The following PRKACB variants were observed in gnomAD, a reference collection of about 807,000 sequenced individuals.
PRKACB encodes the protein protein kinase cAMP-activated catalytic subunit beta, also known as cAMP-dependent protein kinase catalytic subunit beta.
A neutral mutation model predicts 51.4 loss-of-function variants in PRKACB; 16 were observed. That is an observed-to-expected ratio of 0.31 (90% confidence interval 0.21 to 0.47). The LOEUF (loss-of-function observed/expected upper bound fraction) is 0.47, where lower values mean the gene tolerates loss of function less well. Among genes scored for constraint, PRKACB ranks in the 20% least tolerant of loss-of-function variants. The pLI, the probability that PRKACB is intolerant of heterozygous loss-of-function variation, is 1.00. For missense variants in PRKACB, 309 were observed against 464.5 expected (o/e 0.67, Z 3.08); for synonymous variants, 147 against 154.4 (o/e 0.95, Z 0.35).
chr1:84,161,475 G>T (rs1210501102), intron 1 of PRKACB, among the ~76,000 whole-genome samples: 1 of 151,678 alleles, frequency 6.6e-6, no homozygotes, highest in Non-Finnish European at 1.5e-5. Context: ...CTATTGATAT[G>T]GTTGGATTTG....
At chr1:84,136,330 TAACA>T (rs1652804744) in intron 1 of PRKACB, among the ~76,000 whole-genome samples, 1 of 151,688 alleles carries the variant, frequency 6.6e-6, no homozygotes, top group Admixed American at 6.6e-5. Flanking sequence ...AGTTCTAAGA[TAACA>T]AACAACCCTA....
intron 1 of PRKACB, among the ~76,000 whole-genome samples, chr1:84,163,308 T>C (rs1656489259): frequency 6.6e-6 from 1 of 152,086 alleles, no homozygotes; most frequent in Non-Finnish European, 1.5e-5. Flanking sequence ...CTGGGTGGCC[T>C]GGTGAACTTA....
intron 9 of PRKACB, among the ~76,000 whole-genome samples, chr1:84,223,664 C>T (rs549741468): frequency 8.5e-5 from 13 of 152,100 alleles, no homozygotes; most frequent in South Asian, 8.3e-4. Context: ...CCACCATGCC[C>T]GGCCTGTTTG....
chr1:84,191,443 G>A (rs942209790), intron 5 of PRKACB, among the ~76,000 whole-genome samples: 1 of 152,008 alleles, frequency 6.6e-6, no homozygotes, highest in African/African-American at 2.4e-5. Context: ...ACATTTCTCT[G>A]AAGCTGCCTT....
intron 5 of PRKACB, among the ~76,000 whole-genome samples, chr1:84,186,014 A>G (rs570301213): frequency 9.6e-4 from 146 of 152,216 alleles, no homozygotes; most frequent in Middle Eastern, 6.8e-3. Context: ...AAGAAATTTT[A>G]TGTTTATTTG....
At chr1:84,112,562 A>G (rs970902088) in intron 1 of PRKACB, among the ~76,000 whole-genome samples, 2 of 152,088 alleles carry the variant, frequency 1.3e-5, no homozygotes, top group African/African-American at 4.8e-5. Context: ...GTCTTGCCTC[A>G]TTTGGTTCCT....
At position 84,197,721 on chromosome 1, in the gene PRKACB, T is replaced by C; in HGVS notation, c.688-8T>C. On this transcript the variant is annotated splice_region_variant and splice_polypyrimidine_tract_variant and intron_variant, in intron 6 of 9. Transcript: ENST00000370685. ...CATTTTCACTAGTATTCTTTTTTTCTTTTATAGGTCACAGACTTTGGGTTT... is the reference window on the plus strand; with the variant it reads ...CATTTTCACTAGTATTCTTTTTTTCCTTTATAGGTCACAGACTTTGGGTTT... The C allele has an allele frequency of 6.3e-7, 1 of 1,585,098 alleles. No homozygotes were observed. Among genetic ancestry groups the C allele is most frequent in the Non-Finnish European group, 8.6e-7 (1 of 1,158,560 alleles).
chr1:84,166,238 C>T (rs1169786104), intron 1 of PRKACB, among the ~76,000 whole-genome samples: 2 of 151,576 alleles, frequency 1.3e-5, no homozygotes, highest in Admixed American at 1.3e-4. Context: ...ACGAATATTA[C>T]AAAAACAACT....
chr1:84,201,850 G>GTTA (rs1420181758), intron 7 of PRKACB, among the ~76,000 whole-genome samples: 3 of 151,922 alleles, frequency 2.0e-5, no homozygotes, highest in Admixed American at 2.0e-4. Flanking sequence ...ATATTAGCAT[G>GTTA]TTAATATGAA....
chr1:84,202,629 A>G, intron 7 of PRKACB, 54 bp from the exon 8 acceptor site: 1 of 1,511,398 alleles, frequency 6.6e-7, no homozygotes, highest in Non-Finnish European at 8.9e-7. Flanking sequence ...CTTTGACTTC[A>G]TTCTCTTTTG....
intron 1 of PRKACB, among the ~76,000 whole-genome samples, chr1:84,093,526 G>T (rs1350375463): frequency 2.0e-5 from 3 of 151,838 alleles, no homozygotes; most frequent in African/African-American, 7.3e-5. Flanking sequence ...CTTTATAATA[G>T]AAGTCATCAT....
chr1:84,231,486 A>G (rs1178563242), intron 9 of PRKACB, among the ~76,000 whole-genome samples: 1 of 152,240 alleles, frequency 6.6e-6, no homozygotes, highest in East Asian at 1.9e-4. Flanking sequence ...GAATAGTTTC[A>G]GAAGGAATGG....
chr1:84,109,064 C>T (rs553603308), intron 1 of PRKACB, among the ~76,000 whole-genome samples: 2 of 151,970 alleles, frequency 1.3e-5, no homozygotes, highest in South Asian at 4.1e-4. Context: ...ATTCATTCCT[C>T]TTGTTAGGTA....
intron 1 of PRKACB, 165 bp from the exon 2 acceptor site, chr1:84,179,012 A>T (rs1558131897): frequency 1.4e-6 from 1 of 736,052 alleles, no homozygotes; most frequent in East Asian, 3.5e-5. Context: ...AGGTTCTTAG[A>T]GATACTAAAT....
At chr1:84,100,808 A>G (rs1300815396) in intron 1 of PRKACB, among the ~76,000 whole-genome samples, 1 of 152,190 alleles carries the variant, frequency 6.6e-6, no homozygotes, top group Non-Finnish European at 1.5e-5. Flanking sequence ...CAACTCTTTG[A>G]GGTGGGAACC....
intron 1 of PRKACB, among the ~76,000 whole-genome samples, chr1:84,170,396 G>C (rs1015305470): frequency 2.1e-4 from 32 of 151,654 alleles, no homozygotes; most frequent in African/African-American, 6.8e-4. Context: ...GGAGGGATGT[G>C]TGTGCATGTG....
chr1:84,196,261 C>G (rs41301154), intron 5 of PRKACB, among the ~76,000 whole-genome samples: 1,669 of 152,086 alleles, frequency 0.011, 35 homozygotes, highest in African/African-American at 0.037. Flanking sequence ...GCAGTGGCCC[C>G]GATAGACACT....
chr1:84,198,889 T>TGTG (rs1243249534), intron 7 of PRKACB, among the ~76,000 whole-genome samples: 27 of 148,420 alleles, frequency 1.8e-4, no homozygotes, highest in African/African-American at 6.7e-4. Flanking sequence ...TGTGTATATA[T>TGTG]GTGTATATAT....
At chr1:84,180,112 A>G (rs1338000621) in intron 2 of PRKACB, among the ~76,000 whole-genome samples, 1 of 143,798 alleles carries the variant, frequency 7.0e-6, no homozygotes, top group Non-Finnish European at 1.5e-5. Context: ...TTATAGTAGC[A>G]CAATTCACAA....
Sources: gnomAD v4.1 joint callset for allele counts (sites outside exome capture counted in the v4.1 genomes callset) on GRCh38, gnomAD v4.1.1 for gene constraint, MANE v1.5 for transcripts, NCBI Gene and HGNC (gene_info 2026-07-23, HGNC 2026-07-21) for gene names.